The following RAB31 variants were observed in gnomAD, a reference collection of about 807,000 sequenced individuals.
RAB31 encodes ras-related protein Rab-31.
Under a neutral mutation model 25.6 loss-of-function variants are expected in RAB31, and 21 were observed. The observed-to-expected ratio is 0.82, with a 90% CI of 0.58 to 1.18. The LOEUF (loss-of-function observed/expected upper bound fraction) is 1.18. Ranked by LOEUF, RAB31 falls within the 50% of genes most tolerant of loss-of-function variation. RAB31 has a pLI of 0.00. For missense variants in RAB31, 196 were observed against 250.1 expected, an observed-to-expected ratio of 0.78 and a Z score of 1.46; for synonymous variants, 87 against 84.0, an observed-to-expected ratio of 1.04 and a Z score of -0.20.
intron 1 of RAB31, among the ~76,000 whole-genome samples, chr18:9,764,086 G>A (rs1461496880): frequency 6.6e-6 from 1 of 152,098 alleles, no homozygotes; most frequent in Non-Finnish European, 1.5e-5. Flanking sequence ...TTTATTTACA[G>A]CATCAGTTCA....
At chr18:9,803,966 G>A (rs1422476090) in intron 3 of RAB31, among the ~76,000 whole-genome samples, 1 of 152,238 alleles carries the variant, frequency 6.6e-6, no homozygotes, top group East Asian at 1.9e-4. Flanking sequence ...GGAAGGACAT[G>A]TTCATATACG....
chr18:9,840,663 A>T (rs1051093807), intron 5 of RAB31, among the ~76,000 whole-genome samples: 2 of 152,210 alleles, frequency 1.3e-5, no homozygotes, highest in Non-Finnish European at 2.9e-5. Flanking sequence ...CAATTCAGAC[A>T]CTGACTACCT....
intron 1 of RAB31, among the ~76,000 whole-genome samples, chr18:9,732,070 A>G (rs2068125535): frequency 6.6e-6 from 1 of 152,228 alleles, no homozygotes; most frequent in Non-Finnish European, 1.5e-5. Flanking sequence ...CAGGATGAGC[A>G]GCGAGAAACG....
chr18:9,759,021 C>T (rs1260482918), intron 1 of RAB31, among the ~76,000 whole-genome samples: 2 of 151,816 alleles, frequency 1.3e-5, no homozygotes, highest in Non-Finnish European at 1.5e-5. Context: ...AAGCAGTGTG[C>T]GGCTTTGAGA....
chr18:9,856,294 T>C (rs2068815297), intron 6 of RAB31: 1 of 152,184 alleles, frequency 6.6e-6, no homozygotes, highest in South Asian at 2.1e-4. Flanking sequence ...GTGCTCATTG[T>C]TGACTGGGGA....
At chr18:9,839,223 T>C (rs1254573063) in intron 5 of RAB31, among the ~76,000 whole-genome samples, 2 of 152,164 alleles carry the variant, frequency 1.3e-5, no homozygotes, top group Non-Finnish European at 2.9e-5. Context: ...CCGTGTGAGA[T>C]GTTGCCACCT....
intron 3 of RAB31, among the ~76,000 whole-genome samples, chr18:9,803,127 A>G (rs2143052332): frequency 6.6e-6 from 1 of 152,232 alleles, no homozygotes; most frequent in African/African-American, 2.4e-5. Flanking sequence ...CCACGATAGA[A>G]CGTTTTTGTA....
At chr18:9,764,414 C>A (rs533983421) in intron 1 of RAB31, among the ~76,000 whole-genome samples, 1 of 152,296 alleles carries the variant, frequency 6.6e-6, no homozygotes, top group South Asian at 2.1e-4. Context: ...GTGAACAGTG[C>A]ACTGGATATG....
chr18:9,855,104 G>T (rs2068808951), intron 6 of RAB31, among the ~76,000 whole-genome samples: 1 of 152,160 alleles, frequency 6.6e-6, no homozygotes, highest in Non-Finnish European at 1.5e-5. Flanking sequence ...TTTTATTTTT[G>T]TTGTGTGTAA....
chr18:9,719,024 C>G (rs1599010347), intron 1 of RAB31, among the ~76,000 whole-genome samples: 2 of 151,808 alleles, frequency 1.3e-5, no homozygotes, highest in East Asian at 3.9e-4. Context: ...AATCCCAGCA[C>G]TTTGGGAAGC....
intron 2 of RAB31, among the ~76,000 whole-genome samples, chr18:9,785,863 C>A (rs2068429281): frequency 6.6e-6 from 1 of 152,158 alleles, no homozygotes; most frequent in Non-Finnish European, 1.5e-5. Flanking sequence ...GGGTTTGAGG[C>A]CAGCCTGACC....
chr18:9,814,216 C>G (rs1200919489), intron 4 of RAB31, 125 bp downstream of exon 4: 1 of 631,206 alleles, frequency 1.6e-6, no homozygotes, highest in African/African-American at 1.8e-5. Context: ...GAGTTTATTT[C>G]ATGTATATGT....
rs193294842 is a variant in RAB31, at chr18:9,785,986, A to G, written c.120-6168A>G. Reference sequence around the variant, plus strand: ...TGAGGCAGGAGAATCGCTTGAACCCAGTTGCAGTGAGCTGAGATCATGCGA... The same window carrying G: ...TGAGGCAGGAGAATCGCTTGAACCCGGTTGCAGTGAGCTGAGATCATGCGA... On this transcript the variant is annotated intron_variant, in intron 2 of 6. Coordinates refer to ENST00000578921, the MANE Select transcript of RAB31 (RefSeq NM_006868.4). Among the ~76,000 whole-genome samples the G allele has an allele frequency of 2.6e-3, 393 of 152,168 alleles. 1 individual carries two copies. The highest frequency in any genetic ancestry group is 4.7e-3 in the Non-Finnish European group (318 of 67,984).
Position 9,793,414 on chromosome 18 carries a change from A to G in RAB31, c.201+1179A>G, listed in dbSNP as rs192048578. 4.1e-3 allele frequency among the ~76,000 whole-genome samples: 625 copies of G among 152,230 alleles called. 3 individuals are homozygous for G. Among genetic ancestry groups the G allele is most frequent in the African/African-American group, 0.014 (599 of 41,556 alleles). ...GCGGTGGCTCACGCCTGTAATCCCA[A>G]CACTTTGGGAGGCCGAGGCGGGCGG... On this transcript the variant is annotated intron_variant, in intron 3 of 6. Transcript: ENST00000578921.
intron 3 of RAB31, among the ~76,000 whole-genome samples, chr18:9,794,067 ATT>A (rs1238345379): frequency 6.6e-6 from 1 of 151,880 alleles, no homozygotes. Flanking sequence ...TAATTTTTAA[ATT>A]TTTTTTGTAG....
At chr18:9,840,724 T>G (rs1344357687) in intron 5 of RAB31, among the ~76,000 whole-genome samples, 1 of 152,148 alleles carries the variant, frequency 6.6e-6, no homozygotes, top group Non-Finnish European at 1.5e-5. Flanking sequence ...CGAGACTGCC[T>G]CCCATTTCAG....
intron 1 of RAB31, among the ~76,000 whole-genome samples, chr18:9,710,732 C>G (rs1256465209): frequency 6.6e-6 from 1 of 152,118 alleles, no homozygotes; most frequent in Non-Finnish European, 1.5e-5. Flanking sequence ...GCGGCGCATG[C>G]TTGTAATCCC....
chr18:9,812,061 T>C (rs748456322), intron 3 of RAB31, among the ~76,000 whole-genome samples: 3 of 152,218 alleles, frequency 2.0e-5, no homozygotes, highest in African/African-American at 4.8e-5. Context: ...GCCTTCTTGC[T>C]GTATCTCACA....
At chr18:9,826,034 T>C (rs1175456992) in intron 5 of RAB31, among the ~76,000 whole-genome samples, 1 of 152,092 alleles carries the variant, frequency 6.6e-6, no homozygotes, top group African/African-American at 2.4e-5. Context: ...TCACCCCGCA[T>C]ACCCATGTAA....
Sources: gnomAD v4.1 joint callset for allele counts (sites outside exome capture counted in the v4.1 genomes callset) on GRCh38, gnomAD v4.1.1 for gene constraint, MANE v1.5 for transcripts, NCBI Gene and HGNC (gene_info 2026-07-23, HGNC 2026-07-21) for gene names.